The following ADAMTS17 variants were observed in gnomAD, a reference collection of about 807,000 sequenced individuals.
ADAMTS17 encodes A disintegrin and metalloproteinase with thrombospondin motifs 17.
ADAMTS17 carries 113 observed loss-of-function variants against 141.5 expected under a neutral mutation model. That is an observed-to-expected ratio of 0.80 (90% CI 0.69 to 0.93). The LOEUF (loss-of-function observed/expected upper bound fraction) is 0.93, where lower values mean the gene tolerates loss of function less well. Among genes scored for constraint, ADAMTS17 ranks in the 40% least tolerant of loss-of-function variants. The probability of loss-of-function intolerance (pLI) is 0.00; values close to 1 mark genes in which losing one functional copy is unlikely to be tolerated. For synonymous variants in ADAMTS17, 768 were observed against 630.6 expected, an observed-to-expected ratio of 1.22 and a Z score of -3.27; for missense variants, 1,659 against 1,517.9, an observed-to-expected ratio of 1.09 and a Z score of -1.54.
At chr15:100,028,251 C>CA (rs1308141961) in intron 18 of ADAMTS17, among the ~76,000 whole-genome samples, 2 of 152,192 alleles carry the variant, frequency 1.3e-5, no homozygotes, top group African/African-American at 4.8e-5. Flanking sequence ...GCCTTCTTTT[C>CA]AAAAATGCAT....
chr15:100,231,055 A>G (rs567793427), intron 7 of ADAMTS17, among the ~76,000 whole-genome samples: 1 of 152,240 alleles, frequency 6.6e-6, no homozygotes, highest in South Asian at 2.1e-4. Flanking sequence ...ACCCCATCAG[A>G]ACACAGAGAG....
chr15:100,313,024 G>A (rs1252799808), intron 3 of ADAMTS17, among the ~76,000 whole-genome samples: 1 of 152,176 alleles, frequency 6.6e-6, no homozygotes, highest in Non-Finnish European at 1.5e-5. Flanking sequence ...AAGGGAGAAA[G>A]TTATGAAGCA....
chr15:100,105,938 G>A (rs978055384), intron 14 of ADAMTS17, among the ~76,000 whole-genome samples: 8 of 152,094 alleles, frequency 5.3e-5, no homozygotes, highest in Non-Finnish European at 7.3e-5. Context: ...TGATCTGCCC[G>A]CCTTGGCCTC....
At chr15:100,067,905 G>A (rs1368016234) in intron 15 of ADAMTS17, among the ~76,000 whole-genome samples, 5 of 152,170 alleles carry the variant, frequency 3.3e-5, no homozygotes, top group Non-Finnish European at 7.3e-5. Context: ...GAAAGTGGGT[G>A]CAGGACAGTG....
intron 10 of ADAMTS17, among the ~76,000 whole-genome samples, chr15:100,135,404 C>T (rs2038278275): frequency 6.6e-6 from 1 of 152,056 alleles, no homozygotes. Context: ...CTGCCTCAGC[C>T]TTCCGAGTAG....
At chr15:100,307,601 C>A (rs559092816) in intron 3 of ADAMTS17, among the ~76,000 whole-genome samples, 2 of 152,352 alleles carry the variant, frequency 1.3e-5, no homozygotes, top group African/African-American at 4.8e-5. Flanking sequence ...GCAATGCAGA[C>A]CTCCTGCCTC....
chr15:99,990,626 C>CT (rs10593374), intron 20 of ADAMTS17, among the ~76,000 whole-genome samples: 1,396 of 138,470 alleles, frequency 0.01, 11 homozygotes, highest in East Asian at 0.05. Context: ...GGAAATTTGG[C>CT]TTTTTTTTTT....
intron 4 of ADAMTS17, among the ~76,000 whole-genome samples, chr15:100,267,512 T>C (rs1023873359): frequency 6.6e-6 from 1 of 152,164 alleles, no homozygotes; most frequent in Non-Finnish European, 1.5e-5. Context: ...TAAGTCTAAA[T>C]GAATATATAT....
chr15:100,037,641 TCAG>T (rs1478593307), intron 18 of ADAMTS17, among the ~76,000 whole-genome samples: 2 of 152,046 alleles, frequency 1.3e-5, no homozygotes, highest in African/African-American at 4.8e-5. Context: ...ACTCCTGAGC[TCAG>T]GAGATCCGTC....
At chr15:99,982,710 C>T (rs928135674) in intron 20 of ADAMTS17, among the ~76,000 whole-genome samples, 3 of 152,246 alleles carry the variant, frequency 2.0e-5, no homozygotes, top group African/African-American at 7.2e-5. Context: ...GGGCTCATCA[C>T]ATCCAATTTC....
chr15:100,337,301 G>A (rs768267557), intron 2 of ADAMTS17, among the ~76,000 whole-genome samples: 8 of 152,344 alleles, frequency 5.3e-5, no homozygotes, highest in Middle Eastern at 3.4e-3. Flanking sequence ...CACAAATGAC[G>A]TGCTACCAAC....
chr15:100,092,614 C>T (rs913992864), intron 15 of ADAMTS17, among the ~76,000 whole-genome samples: 1 of 152,184 alleles, frequency 6.6e-6, no homozygotes, highest in Non-Finnish European at 1.5e-5. Flanking sequence ...TCCGCCCCCA[C>T]GAGATTCCAC....
intron 7 of ADAMTS17, among the ~76,000 whole-genome samples, chr15:100,233,125 T>G (rs1432775470): frequency 2.0e-5 from 3 of 152,100 alleles, no homozygotes; most frequent in African/African-American, 7.2e-5. Context: ...GGTCAGGAGC[T>G]CCAGACTAGT....
Position 100,058,243 on chromosome 15 carries a change from G to GGCTCTA in ADAMTS17, c.2138-4190_2138-4189insTAGAGC, listed in dbSNP as rs2032786973. ...GCTCCAACACTCCTATCCCAGCTCT[G>GGCTCTA]ACCCTCCTATCCCGGCTCTGACACC... On this transcript the variant is annotated intron_variant, in intron 15 of 21. Coordinates refer to ENST00000268070, the MANE Select transcript of ADAMTS17 (RefSeq NM_139057.4). Among the ~76,000 whole-genome samples the GGCTCTA allele has an allele frequency of 4.3e-4, 3 of 7,026 alleles. 1 individual carries two copies. The highest frequency in any genetic ancestry group is 1.4e-3 in the African/African-American group (2 of 1,390). The allele number at this position is 7,026 out of a possible 152,430, so 4.6% of individuals were successfully genotyped here.
At chr15:100,038,825 G>T (rs986367987) in intron 18 of ADAMTS17, among the ~76,000 whole-genome samples, 2 of 152,158 alleles carry the variant, frequency 1.3e-5, no homozygotes, top group Non-Finnish European at 2.9e-5. Flanking sequence ...TTGGGTAAAT[G>T]CCTAGGCTGG....
rs72770252 is a variant in ADAMTS17, at chr15:100,135,627, A to T, written c.1474-2312T>A. Among the ~76,000 whole-genome samples the T allele has an allele frequency of 3.1e-3, 474 of 152,308 alleles. 6 individuals are homozygous for T. The highest frequency in any genetic ancestry group is 0.016 in the Admixed American group (241 of 15,304). ...TACCAAAAGGCAACTGTAAGAACAC[A>T]AGAATATATTTGCAATACATAAGAG... is the stretch of plus-strand genomic sequence containing the variant. On this transcript the variant is annotated intron_variant, in intron 10 of 21. Transcript: ENST00000268070.
chr15:100,007,713 T>A (rs1567670339), intron 18 of ADAMTS17, among the ~76,000 whole-genome samples: 1 of 151,182 alleles, frequency 6.6e-6, no homozygotes, highest in Non-Finnish European at 1.5e-5. Flanking sequence ...GGTGGAAGGG[T>A]GGCGCTGCTT....
At chr15:100,032,064 T>G (rs111944062) in intron 18 of ADAMTS17, among the ~76,000 whole-genome samples, 1 of 152,178 alleles carries the variant, frequency 6.6e-6, no homozygotes. Context: ...GAGGACAGCA[T>G]GGAGGTTTCA....
At position 100,247,715 on chromosome 15, in the gene ADAMTS17, C is replaced by T. The variant is rs543796111; in HGVS notation, c.1075+6421G>A. Among the ~76,000 whole-genome samples, 15 of 152,280 alleles carry T rather than the reference C, an allele frequency of 9.9e-5. No individual in the cohort carries two copies. In the East Asian group the frequency reaches 2.9e-3, roughly 29 times the overall value. ...TTGACACATTCAATTAATAAAAACT[C>T]AACAGGTCCAGCACACAACACCGTC... On this transcript the variant is annotated intron_variant, in intron 7 of 21. Coordinates refer to ENST00000268070, the MANE Select transcript of ADAMTS17 (RefSeq NM_139057.4).
Sources: gnomAD v4.1 joint callset for allele counts (sites outside exome capture counted in the v4.1 genomes callset) on GRCh38, gnomAD v4.1.1 for gene constraint, MANE v1.5 for transcripts, NCBI Gene and HGNC (gene_info 2026-07-23, HGNC 2026-07-21) for gene names.